Variants in ATAD2B observed in about 807,000 individuals in gnomAD.
ATAD2B encodes ATPase family AAA domain-containing protein 2B.
Under a neutral mutation model 167.6 loss-of-function variants are expected in ATAD2B, and 40 were observed. The observed-to-expected ratio is 0.24, with a 90% CI of 0.19 to 0.31. ATAD2B has a LOEUF of 0.31. ATAD2B is among the 10% of genes least tolerant of loss of function. ATAD2B has a pLI of 1.00. For synonymous variants in ATAD2B, 579 were observed against 596.5 expected (o/e 0.97, Z 0.43); for missense variants, 1,242 against 1,757.2 (o/e 0.71, Z 5.24).
intron 10 of ATAD2B, 127 bp from the exon 11 acceptor site, chr2:23,865,051 C>A: frequency 2.0e-6 from 1 of 511,374 alleles, no homozygotes; most frequent in Non-Finnish European, 3.4e-6. Flanking sequence ...AACATAACTA[C>A]AAATAAGTGT....
chr2:23,728,497 G>A, the ATAD2B span, among the ~76,000 whole-genome samples: 189 of 152,252 alleles, frequency 1.2e-3, 5 homozygotes, highest in South Asian at 0.038. Flanking sequence ...AGTCAACAAA[G>A]ATAGGAGGAA....
chr2:23,694,354 C>T, the ATAD2B span, among the ~76,000 whole-genome samples: 2 of 152,208 alleles, frequency 1.3e-5, no homozygotes, highest in African/African-American at 4.8e-5. Context: ...GGATCGACTT[C>T]CCTCTCCCCA....
intron 18 of ATAD2B, chr2:23,808,900 A>G (rs562576512): frequency 1.3e-5 from 2 of 152,222 alleles, no homozygotes; most frequent in East Asian, 1.9e-4. Context: ...GATTTTGCCA[A>G]TTTCACAGCT....
At chr2:23,924,800 C>T (rs1446396914) in intron 1 of ATAD2B, among the ~76,000 whole-genome samples, 2 of 152,180 alleles carry the variant, frequency 1.3e-5, no homozygotes, top group Admixed American at 1.3e-4. Context: ...TTAAAAGCTA[C>T]CAAATGTTCA....
intron 1 of ATAD2B, among the ~76,000 whole-genome samples, chr2:23,919,188 AAGAGAG>A (rs147968741): frequency 2.0e-5 from 3 of 150,862 alleles, no homozygotes; most frequent in East Asian, 2.0e-4. Flanking sequence ...ATTAAAAAAA[AAGAGAG>A]AGAGAGAGAG....
chr2:23,693,184 G>GA, the ATAD2B span: 51 of 1,449,792 alleles, frequency 3.5e-5, no homozygotes, highest in Non-Finnish European at 1.6e-5. Flanking sequence ...TGGGTTCAGA[G>GA]AAGGATCTAG....
At chr2:23,705,533 G>C in the ATAD2B span, among the ~76,000 whole-genome samples, 1 of 152,038 alleles carries the variant, frequency 6.6e-6, no homozygotes, top group African/African-American at 2.4e-5. Context: ...GCAAATGGCA[G>C]AGTTAAGCTG....
At chr2:23,898,095 C>T (rs548052170) in intron 1 of ATAD2B, among the ~76,000 whole-genome samples, 10 of 152,140 alleles carry the variant, frequency 6.6e-5, no homozygotes, top group Non-Finnish European at 1.5e-4. Flanking sequence ...CAGGCACCTG[C>T]CATCATGCCC....
rs1378911678 is a variant in ATAD2B at position 23,926,699 on chromosome 2, CCCAGGCCCAGGCCCGGGA to C, written c.54_71del (p.Pro19_Gly24del). The C allele has an allele frequency of 2.6e-6, 4 of 1,550,408 alleles. No homozygotes were observed. The highest frequency in any genetic ancestry group is 3.5e-6 in the Non-Finnish European group (4 of 1,147,330). On this transcript the variant is annotated inframe_deletion, in exon 1 of 28. Coordinates refer to ENST00000238789, the MANE Select transcript of ATAD2B (RefSeq NM_017552.4). ...CGGTCGCCCCAGGCTCTGCTCCGGC[CCCAGGCCCAGGCCCGGGA>C]CCAGGAGACTTGGACCCGAGAAGGC...
chr2:23,732,345 G>A, the ATAD2B span, among the ~76,000 whole-genome samples: 4 of 152,148 alleles, frequency 2.6e-5, no homozygotes, highest in Non-Finnish European at 5.9e-5. Flanking sequence ...GAAATGTGGT[G>A]TTTAGAAATG....
chr2:23,788,308 T>C, intron 20 of ATAD2B: 1 of 543,274 alleles, frequency 1.8e-6, no homozygotes, highest in Non-Finnish European at 3.2e-6. Flanking sequence ...AGAAGTCCTG[T>C]TTAGCAAAGC....
chr2:23,729,119 A>G, the ATAD2B span, among the ~76,000 whole-genome samples: 6 of 152,200 alleles, frequency 3.9e-5, no homozygotes, highest in Non-Finnish European at 7.4e-5. Context: ...CCATGATCCA[A>G]TCACCTCCCA....
At chr2:23,707,464 T>C in the ATAD2B span, 1 of 152,164 alleles carries the variant, frequency 6.6e-6, no homozygotes, top group African/African-American at 2.4e-5. Flanking sequence ...CCAAAGCTCT[T>C]TGTAGGTAGT....
intron 18 of ATAD2B, among the ~76,000 whole-genome samples, chr2:23,809,744 A>C (rs1381953715): frequency 6.6e-6 from 1 of 152,202 alleles, no homozygotes; most frequent in Non-Finnish European, 1.5e-5. Flanking sequence ...CCCTAGTTTC[A>C]ATATGACATA....
At chr2:23,691,041 C>A in the ATAD2B span, 1 of 153,436 alleles carries the variant, frequency 6.5e-6, no homozygotes, top group African/African-American at 2.4e-5. Context: ...TCCCCTCCTC[C>A]CGGCTCTCAC....
intron 21 of ATAD2B, chr2:23,785,631 T>G (rs1483818886): frequency 6.5e-6 from 1 of 154,754 alleles, no homozygotes; most frequent in African/African-American, 2.4e-5. Flanking sequence ...AGCTACCTCT[T>G]TTGATGAGGT....
chr2:23,762,022 TAACAAATAAAG>T (rs1676808578), intron 24 of ATAD2B, among the ~76,000 whole-genome samples, 176 bp downstream of exon 24: 1 of 150,520 alleles, frequency 6.6e-6, no homozygotes, highest in Non-Finnish European at 1.5e-5. Context: ...GGATAGAAAA[TAACAAATAAAG>T]TTAAAGAAAT....
intron 1 of ATAD2B, among the ~76,000 whole-genome samples, chr2:23,897,587 A>G (rs1435461155): frequency 1.3e-5 from 2 of 152,174 alleles, no homozygotes; most frequent in Admixed American, 1.3e-4. Flanking sequence ...TTTTATCAGT[A>G]TCATGGATTC....
intron 11 of ATAD2B, among the ~76,000 whole-genome samples, chr2:23,863,830 T>C (rs1694769384): frequency 6.6e-6 from 1 of 152,196 alleles, no homozygotes; most frequent in South Asian, 2.1e-4. Context: ...TTCACATCTT[T>C]AGAATAAATA....
Sources: allele counts gnomAD v4.1 joint callset (sites outside exome capture counted in the v4.1 genomes callset), GRCh38; gene constraint gnomAD v4.1.1; transcripts MANE v1.5; gene names NCBI Gene and HGNC (gene_info 2026-07-23, HGNC 2026-07-21).